The following SPTBN1 variants were observed in gnomAD, a reference collection of about 807,000 sequenced individuals.
The protein encoded by SPTBN1 is spectrin beta, non-erythrocytic 1.
SPTBN1 carries 32 observed loss-of-function variants against 266.4 expected under a neutral mutation model. That is an observed-to-expected ratio of 0.12 (90% CI 0.09 to 0.16). The LOEUF is 0.16. Among genes scored for constraint, SPTBN1 ranks in the 10% least tolerant of loss-of-function variants. SPTBN1 has a pLI of 1.00. For missense variants in SPTBN1, 2,296 were observed against 3,067.1 expected, an observed-to-expected ratio of 0.75 and a Z score of 5.94; for synonymous variants, 1,336 against 1,162.2, an observed-to-expected ratio of 1.15 and a Z score of -3.04.
rs1464724448 is a variant in SPTBN1, at chr2:54,626,802, A to C, written c.1644+568A>C. Among the ~76,000 whole-genome samples the C allele has an allele frequency of 1.3e-5, 2 of 152,226 alleles. No individual in the cohort carries two copies. Among genetic ancestry groups the C allele is most frequent in the African/African-American group, 4.8e-5 (2 of 41,464 alleles). ...GGATGGAATGCGGTAGTATGTGCAC[A>C]GATCATGGGATGGGCTGGATGGCAG... On this transcript the variant is annotated intron_variant, in intron 12 of 35. Transcript: ENST00000356805. The surrounding 1 kb of genome is among the most constrained non-coding windows in gnomAD (Gnocchi z 4.7).
At chr2:54,461,759 A>G (rs1693380816) in intron 1 of SPTBN1, among the ~76,000 whole-genome samples, 3 of 152,108 alleles carry the variant, frequency 2.0e-5, no homozygotes, top group Non-Finnish European at 4.4e-5. Context: ...TCTTTTACCC[A>G]TTTATCTTAT....
chr2:54,462,685 C>T (rs1015951282), intron 1 of SPTBN1, among the ~76,000 whole-genome samples: 2 of 152,194 alleles, frequency 1.3e-5, no homozygotes, highest in African/African-American at 4.8e-5. Context: ...ATTTTATGTA[C>T]TATACACAGA....
chr2:54,464,890 C>T (rs901542795), intron 1 of SPTBN1, among the ~76,000 whole-genome samples: 25 of 151,946 alleles, frequency 1.6e-4, no homozygotes, highest in African/African-American at 6.0e-4. Flanking sequence ...CGAGGTTTCA[C>T]CGTGTTGCCC....
At position 54,558,175 on chromosome 2, in the gene SPTBN1, G is replaced by C. The variant is rs1456963949; in HGVS notation, c.148+31609G>C. 1.0e-6 allele frequency: 1 copy of C among 985,282 alleles called. No individual in the cohort carries two copies. The highest frequency in any genetic ancestry group is 1.2e-6 in the Non-Finnish European group (1 of 829,918). 61.0% of individuals were successfully genotyped at this position (985,282 alleles called of 1,614,324 possible). On this transcript the variant is annotated intron_variant, in intron 2 of 35. Coordinates refer to ENST00000356805, the MANE Select transcript of SPTBN1 (RefSeq NM_003128.3). This position sits in a 1 kb window ranked among gnomAD's most constrained non-coding sequence, Gnocchi z 4.6. ...ACCGCGGCGAGTCCAGGGCCCGGCC[G>C]GGGGTCGGCGGCTGCCGGGCGGCTG...
At chr2:54,636,726 G>A (rs1223037845) in intron 17 of SPTBN1, among the ~76,000 whole-genome samples, 2 of 152,214 alleles carry the variant, frequency 1.3e-5, no homozygotes, top group South Asian at 2.1e-4. Context: ...ATTGCTCTAA[G>A]AATCGAATGA....
chr2:54,649,211 A>T lies in SPTBN1; in HGVS notation c.5202+21A>T. 6.3e-7 allele frequency: 1 copy of T among 1,582,088 alleles called. No homozygotes were observed. The highest frequency in any genetic ancestry group is 8.6e-7 in the Non-Finnish European group (1 of 1,157,622). ...TCACGGCAAGTACTTGAGGCAGTGC[A>T]TGAGTTGGTTGTGCAGTAAGCGATG... On this transcript the variant is annotated intron_variant, in intron 25 of 35. Coordinates refer to ENST00000356805, the MANE Select transcript of SPTBN1 (RefSeq NM_003128.3). This position sits in a 1 kb window ranked among gnomAD's most constrained non-coding sequence, Gnocchi z 6.7.
chr2:54,513,639 C>T (rs935322955), intron 1 of SPTBN1, among the ~76,000 whole-genome samples: 4 of 152,076 alleles, frequency 2.6e-5, no homozygotes, highest in African/African-American at 9.7e-5. Flanking sequence ...GCTAGAAACC[C>T]CACATTAGCC....
chr2:54,606,787 A>T (rs1310973036), intron 3 of SPTBN1, among the ~76,000 whole-genome samples: 3 of 152,158 alleles, frequency 2.0e-5, no homozygotes, highest in Non-Finnish European at 4.4e-5. Flanking sequence ...TTACACAGGC[A>T]TCCCTTTCTC....
At chr2:54,627,990 A>G in intron 12 of SPTBN1, 107 bp from the exon 13 acceptor site, 1 of 1,351,408 alleles carries the variant, frequency 7.4e-7, no homozygotes, top group Non-Finnish European at 1.0e-6. Flanking sequence ...GGCAGACTAG[A>G]GGGAAGGCAT....
chr2:54,637,518 GTC>G (rs1199608776), intron 17 of SPTBN1, among the ~76,000 whole-genome samples, 193 bp from the exon 18 acceptor site: 1 of 152,104 alleles, frequency 6.6e-6, no homozygotes, highest in Admixed American at 6.5e-5. Context: ...AGATTTTTGG[GTC>G]TCTCTGGGAC....
chr2:54,661,497 C>G (rs553586957), intron 32 of SPTBN1: 49 of 985,578 alleles, frequency 5.0e-5, no homozygotes, highest in Non-Finnish European at 5.9e-5. Flanking sequence ...TTCCTTATCT[C>G]TATGTACATA....
intron 1 of SPTBN1, among the ~76,000 whole-genome samples, chr2:54,497,366 GTTTTTTTCAAGTTTTCCA>G (rs1558780281): frequency 1.1e-4 from 17 of 151,918 alleles, no homozygotes; most frequent in African/African-American, 3.4e-4. Flanking sequence ...TAGTTTTTTG[GTTTTTTTCAAGTTTTCCA>G]CTAAGCTCAC....
chr2:54,469,351 A>G (rs1032881170), intron 1 of SPTBN1, among the ~76,000 whole-genome samples: 1 of 152,192 alleles, frequency 6.6e-6, no homozygotes, highest in Admixed American at 6.5e-5. Flanking sequence ...ATGGGCCCCA[A>G]GGAAAAGTGA....
At position 54,526,544 on chromosome 2, in the gene SPTBN1, G is replaced by A. The variant is rs1381648727; in HGVS notation, c.126G>A (p.Arg42=). The change falls in exon 2 of 36, where the codon CGG becomes CGA. Residue 42 remains arginine, a synonymous_variant. Coordinates refer to ENST00000356805, the MANE Select transcript of SPTBN1 (RefSeq NM_003128.3). ...NENSSARLFE[R]SRIKALADER... ...ACAGCTCTGCGCGGCTTTTTGAGCGGTCCCGCATCAAGGCTCTGGCAGGTG... is the reference window on the plus strand; with the variant it reads ...ACAGCTCTGCGCGGCTTTTTGAGCGATCCCGCATCAAGGCTCTGGCAGGTG... 2.5e-6 allele frequency: 4 copies of A among 1,613,982 alleles called. No individual in the cohort carries two copies. Among genetic ancestry groups the A allele is most frequent in the African/African-American group, 2.7e-5 (2 of 75,034 alleles).
intron 1 of SPTBN1, among the ~76,000 whole-genome samples, chr2:54,508,529 G>T (rs1573299425): frequency 7.1e-6 from 1 of 141,466 alleles, no homozygotes; most frequent in Non-Finnish European, 1.5e-5. Flanking sequence ...GGGCTAGCGG[G>T]TTCTAAGAGG....
At chr2:54,479,938 T>G (rs1192033005) in intron 1 of SPTBN1, among the ~76,000 whole-genome samples, 1 of 152,104 alleles carries the variant, frequency 6.6e-6, no homozygotes, top group Non-Finnish European at 1.5e-5. Context: ...CAAGTGATCT[T>G]CCTGCTTCAG....
Position 54,659,272 on chromosome 2 carries a change from T to A in SPTBN1, c.6356+6T>A, listed in dbSNP as rs1401885138. On this transcript the variant is annotated splice_donor_region_variant and intron_variant, in intron 31 of 35. Transcript: ENST00000356805. ...GCCGAGTCCCAGCAGCAGTGGTGAG[T>A]CCCAGCAGCTCCAGAGGCTGGACCC... The A allele has an allele frequency of 6.2e-7, 1 of 1,613,692 alleles. No individual in the cohort carries two copies.
intron 2 of SPTBN1, chr2:54,557,719 TC>T (rs552740001): frequency 2.0e-5 from 20 of 985,330 alleles, no homozygotes; most frequent in African/African-American, 5.2e-5. Context: ...CCATAAATCT[TC>T]CTTGCGTCGA....
chr2:54,619,779 G>A (rs1483507630), intron 7 of SPTBN1, among the ~76,000 whole-genome samples: 1 of 152,174 alleles, frequency 6.6e-6, no homozygotes, highest in Non-Finnish European at 1.5e-5. Context: ...GGACACAGGA[G>A]CCCTGGGGTA....
Sources: allele counts gnomAD v4.1 joint callset (sites outside exome capture counted in the v4.1 genomes callset), GRCh38; gene constraint gnomAD v4.1.1; non-coding constraint Gnocchi (gnomAD v3.1); transcripts MANE v1.5; gene names NCBI Gene and HGNC (gene_info 2026-07-23, HGNC 2026-07-21).